ZNF395: variants seen among roughly 807,000 people sequenced by gnomAD.
ZNF395 encodes the protein zinc finger protein 395.
ZNF395 carries 20 observed loss-of-function variants against 57.7 expected under a neutral mutation model. The observed-to-expected ratio is 0.35, with a 90% CI of 0.24 to 0.50. The LOEUF (loss-of-function observed/expected upper bound fraction) is 0.50. ZNF395 is among the 20% of genes least tolerant of loss of function. ZNF395 has a pLI of 0.97. For missense variants in ZNF395, 606 were observed against 671.2 expected, an observed-to-expected ratio of 0.90 and a Z score of 1.07; for synonymous variants, 295 against 275.9, an observed-to-expected ratio of 1.07 and a Z score of -0.69.
At chr8:28,351,120 C>T (rs1056121857) in intron 7 of ZNF395, among the ~76,000 whole-genome samples, 17 of 152,200 alleles carry the variant, frequency 1.1e-4, no homozygotes, top group African/African-American at 3.6e-4. Flanking sequence ...GTATTCAAAA[C>T]ATGCGTGCTG....
At chr8:28,383,669 C>A (rs76487377) in intron 1 of ZNF395, among the ~76,000 whole-genome samples, 2 of 152,060 alleles carry the variant, frequency 1.3e-5, no homozygotes, top group Non-Finnish European at 2.9e-5. Flanking sequence ...AGAAGCCCCT[C>A]GGTTCAGGCC....
Position 28,350,002 on chromosome 8 carries a change from C to G in ZNF395, c.1326+62G>C, listed in dbSNP as rs2272752. 8.7e-3 allele frequency: 12,645 copies of G among 1,456,822 alleles called. 392 individuals carry two copies. The African/African-American group carries it at 0.1, about 11-fold the overall frequency. 90.2% of individuals were successfully genotyped at this position (1,456,822 alleles called of 1,614,324 possible). On this transcript the variant is annotated intron_variant, in intron 8 of 9. Transcript: ENST00000344423. ...CGTGCCCAAGGGATGGCCTCCAGCC[C>G]TGGGATGTGTGGGAGAGCCCTCGGC...
intron 7 of ZNF395, among the ~76,000 whole-genome samples, chr8:28,351,209 A>T (rs1279311921): frequency 1.3e-5 from 2 of 152,194 alleles, no homozygotes; most frequent in African/African-American, 4.8e-5. Flanking sequence ...ATCCTCTCTT[A>T]TAAGCAGAGG....
intron 4 of ZNF395, among the ~76,000 whole-genome samples, chr8:28,353,895 T>C (rs1185379496): frequency 6.6e-6 from 1 of 152,166 alleles, no homozygotes; most frequent in East Asian, 1.9e-4. Flanking sequence ...TTCCTACAGC[T>C]GACGCCAACT....
rs888186564 is a variant in ZNF395 at position 28,373,484 on chromosome 8, G to A, written c.-58-12302C>T. 4.0e-5 allele frequency among the ~76,000 whole-genome samples: 6 copies of A among 151,306 alleles called. No individual in the cohort carries two copies. In the East Asian group the frequency reaches 5.8e-4, roughly 15 times the overall value. On this transcript the variant is annotated intron_variant, in intron 1 of 9. Coordinates refer to ENST00000344423, the MANE Select transcript of ZNF395 (RefSeq NM_018660.3). The stretch of plus-strand genomic sequence containing the variant: ...TTTAAAGAACATCATGCTTCCAAAC[G>A]CCTCACGCTTTGCTTGAGTGTTTAA...
intron 8 of ZNF395, 79 bp from the exon 9 acceptor site, chr8:28,349,307 C>T: frequency 8.4e-7 from 1 of 1,185,178 alleles, no homozygotes. Flanking sequence ...CAGGCAGCCA[C>T]CCGTCCCCAG....
chr8:28,359,946 T>C lies in ZNF395; in HGVS notation c.241-122A>G, dbSNP rs1489784771. ...CCACAAACCATGTTCTCTGCCTCAC[T>C]CATCTTTTATTCAAGCAGATGTTCC... On this transcript the variant is annotated intron_variant, in intron 2 of 9. Coordinates refer to ENST00000344423, the MANE Select transcript of ZNF395 (RefSeq NM_018660.3). The surrounding 1 kb of genome is among the most constrained non-coding windows in gnomAD (Gnocchi z 4.7). 4.2e-6 allele frequency: 6 copies of C among 1,424,404 alleles called. No homozygotes were observed. The highest frequency in any genetic ancestry group is 5.6e-6 in the Non-Finnish European group (6 of 1,075,174). 88.2% of individuals were successfully genotyped at this position (1,424,404 alleles called of 1,614,324 possible). A position where few individuals can be genotyped will look rare whatever the true frequency, so the allele number is the denominator to read the frequency against.
chr8:28,368,304 C>A (rs1801936020), intron 1 of ZNF395: 1 of 152,172 alleles, frequency 6.6e-6, no homozygotes, highest in Admixed American at 6.5e-5. Context: ...CCCACAAATG[C>A]TTGAATGGCA....
At chr8:28,360,856 G>C in intron 2 of ZNF395, 29 bp downstream of exon 2, 1 of 1,610,058 alleles carries the variant, frequency 6.2e-7, no homozygotes. Flanking sequence ...GGCAAGACGG[G>C]ACACCTGTCC....
At chr8:28,367,955 A>G (rs1400497038) in intron 1 of ZNF395, among the ~76,000 whole-genome samples, 3 of 152,234 alleles carry the variant, frequency 2.0e-5, no homozygotes, top group Admixed American at 1.3e-4. Context: ...GGAAGCAGGT[A>G]TAAGCAGGAC....
At chr8:28,374,730 A>G (rs778432132) in intron 1 of ZNF395, among the ~76,000 whole-genome samples, 5 of 152,196 alleles carry the variant, frequency 3.3e-5, no homozygotes, top group Non-Finnish European at 5.9e-5. Context: ...AAAGTATGTC[A>G]ATGGGACTTC....
At position 28,352,900 on chromosome 8, in the gene ZNF395, C is replaced by A. The variant is rs1801734676; in HGVS notation, c.820-227G>T. 6.6e-6 allele frequency among the ~76,000 whole-genome samples: 1 copy of A among 152,180 alleles called. No individual in the cohort carries two copies. The highest frequency in any genetic ancestry group is 2.4e-5 in the African/African-American group (1 of 41,434). On this transcript the variant is annotated intron_variant, in intron 5 of 9. Coordinates refer to ENST00000344423, the MANE Select transcript of ZNF395 (RefSeq NM_018660.3). The surrounding 1 kb of genome is among the most constrained non-coding windows in gnomAD (Gnocchi z 4.0). ...GCAGTGCTCCATGCTGTGGCTAAGA[C>A]CCTACTGGAGGCCTCTCCCACGCAG...
At position 28,353,220 on chromosome 8, in the gene ZNF395, C is replaced by T. The variant is rs1237033823; in HGVS notation, c.772G>A (p.Asp258Asn). 8 of 1,610,436 alleles carry T rather than the reference C, an allele frequency of 5.0e-6. No homozygotes were observed. Among genetic ancestry groups the T allele is most frequent in the African/African-American group, 4.0e-5 (3 of 74,358 alleles). ...SPQTDHGFET[D>N]PDPFLLDEPA... Reference sequence around the variant, plus strand: ...TCGTCCAGCAGGAAAGGGTCAGGATCGGTCTCAAAGCCATGATCAGTTTGG... The same window carrying T: ...TCGTCCAGCAGGAAAGGGTCAGGATTGGTCTCAAAGCCATGATCAGTTTGG... The change falls in exon 5 of 10, where the codon GAT (aspartate) becomes AAT (asparagine). Residue 258 changes from aspartate to asparagine, a missense_variant. Transcript: ENST00000344423.
intron 7 of ZNF395, among the ~76,000 whole-genome samples, chr8:28,350,418 CT>C (rs1243769023): frequency 1.3e-5 from 2 of 152,230 alleles, no homozygotes; most frequent in African/African-American, 2.4e-5. Context: ...AGCCTCATGA[CT>C]TAATCACCGC....
Position 28,356,627 on chromosome 8 carries a change from G to A in ZNF395, c.583+43C>T. 1 of 1,481,258 alleles carries A rather than the reference G, an allele frequency of 6.8e-7. No individual in the cohort carries two copies. Among genetic ancestry groups the A allele is most frequent in the Non-Finnish European group, 9.4e-7 (1 of 1,064,562 alleles). The allele number at this position is 1,481,258 out of a possible 1,614,324, so 91.8% of individuals were successfully genotyped here. A position where few individuals can be genotyped will look rare whatever the true frequency, so the allele number is the denominator to read the frequency against. ...TCTGCACAGAGGATGTTTGTCGTGG[G>A]CCTCTACCATGCCCAGAACCCAGCT... On this transcript the variant is annotated intron_variant, in intron 4 of 9. Coordinates refer to ENST00000344423, the MANE Select transcript of ZNF395 (RefSeq NM_018660.3). The surrounding 1 kb of genome is among the most constrained non-coding windows in gnomAD (Gnocchi z 4.0).
At position 28,363,104 on chromosome 8, in the gene ZNF395, T is replaced by C. The variant is rs187750617; in HGVS notation, c.-58-1922A>G. On this transcript the variant is annotated intron_variant, in intron 1 of 9. Coordinates refer to ENST00000344423, the MANE Select transcript of ZNF395 (RefSeq NM_018660.3). ...TAAAGAAAAAAATGTATACCTAAGCTAAATTGGTTGTTTTTTTTTTGTTTG... is the reference window on the plus strand; with the variant it reads ...TAAAGAAAAAAATGTATACCTAAGCCAAATTGGTTGTTTTTTTTTTGTTTG... 8.4e-4 allele frequency among the ~76,000 whole-genome samples: 127 copies of C among 151,440 alleles called. 1 individual carries two copies. In the Middle Eastern group the frequency reaches 0.017, roughly 21 times the overall value.
chr8:28,379,954 T>G (rs1485580289), intron 1 of ZNF395, among the ~76,000 whole-genome samples: 1 of 152,182 alleles, frequency 6.6e-6, no homozygotes, highest in Non-Finnish European at 1.5e-5. Context: ...AACACATTGC[T>G]TTTTTAACAT....
chr8:28,350,113 G>T lies in ZNF395; in HGVS notation c.1277C>A (p.Thr426Asn). ...GGGGGCAGCAGCCCAGCTGACACTG[G>T]TGTAGATGTGTGGTGAGACTGGGAT... ...FQIPVSPHIY[T>N]SVSWAAAPSA... is the part of the protein sequence containing the mutation. Residue 426 changes from threonine (T) to asparagine (N), a missense_variant, in exon 8 of 10, where the codon ACC (threonine) becomes AAC (asparagine). Thr to Asn is a moderately conservative substitution (Grantham distance 65). Transcript: ENST00000344423. 6.2e-7 allele frequency: 1 copy of T among 1,609,132 alleles called. No individual in the cohort carries two copies. The highest frequency in any genetic ancestry group is 8.5e-7 in the Non-Finnish European group (1 of 1,178,884).
At chr8:28,380,897 G>A (rs1236628092) in intron 1 of ZNF395, among the ~76,000 whole-genome samples, 6 of 152,030 alleles carry the variant, frequency 3.9e-5, no homozygotes, top group African/African-American at 1.4e-4. Context: ...CCAGGCTGGA[G>A]TGCAATGACG....
Sources: gnomAD v4.1 joint callset for allele counts (sites outside exome capture counted in the v4.1 genomes callset) on GRCh38, gnomAD v4.1.1 for gene constraint, Gnocchi (gnomAD v3.1) non-coding constraint, MANE v1.5 for transcripts, NCBI Gene and HGNC (gene_info 2026-07-23, HGNC 2026-07-21) for gene names.